DENND5A: variants seen among roughly 807,000 people sequenced by gnomAD.
DENND5A encodes DENN domain containing 5A, also known as DENN domain-containing protein 5A.
DENND5A carries 64 observed loss-of-function variants against 140.3 expected under a neutral mutation model. The observed-to-expected ratio is 0.46, with a 90% CI of 0.37 to 0.56. DENND5A has a LOEUF of 0.56. Among genes scored for constraint, DENND5A ranks in the 20% least tolerant of loss-of-function variants. The probability of loss-of-function intolerance (pLI) is 0.00; values close to 1 mark genes in which losing one functional copy is unlikely to be tolerated. For synonymous variants in DENND5A, 605 were observed against 607.7 expected, an observed-to-expected ratio of 1.00 and a Z score of 0.07; for missense variants, 1,292 against 1,593.8, an observed-to-expected ratio of 0.81 and a Z score of 3.22.
chr11:9,213,628 T>C (rs1162861882), intron 1 of DENND5A, among the ~76,000 whole-genome samples: 1 of 150,052 alleles, frequency 6.7e-6, no homozygotes, highest in Non-Finnish European at 1.5e-5. Flanking sequence ...GCCAACATGG[T>C]GAAAACCCAT....
intron 1 of DENND5A, among the ~76,000 whole-genome samples, chr11:9,231,266 C>G (rs981577188): frequency 3.3e-5 from 5 of 152,198 alleles, no homozygotes; most frequent in African/African-American, 1.2e-4. Context: ...CAACACATAT[C>G]TGTTTCACAG....
chr11:9,212,128 T>C (rs1849905142), intron 1 of DENND5A, among the ~76,000 whole-genome samples: 1 of 152,082 alleles, frequency 6.6e-6, no homozygotes, highest in Non-Finnish European at 1.5e-5. Context: ...CTCACACTTA[T>C]AACCTCAGCA....
At chr11:9,196,994 C>T (rs1590262727) in intron 4 of DENND5A, among the ~76,000 whole-genome samples, 1 of 151,266 alleles carries the variant, frequency 6.6e-6, no homozygotes, top group East Asian at 1.9e-4. Context: ...CACATATATT[C>T]AACACCTAAC....
In DENND5A at chr11:9,167,125, C is replaced by T. The variant is rs192629307; in HGVS notation, c.2152-1158G>A. ...TCTTCATATGTTGTTTAACACAGAA[C>T]CCACATCAATGCAGTAAAATGCAAT... On this transcript the variant is annotated intron_variant, in intron 10 of 22. Coordinates refer to ENST00000328194, the MANE Select transcript of DENND5A (RefSeq NM_015213.4). 3.6e-3 allele frequency among the ~76,000 whole-genome samples: 549 copies of T among 152,214 alleles called. 3 individuals are homozygous for T. The highest frequency in any genetic ancestry group is 0.013 in the African/African-American group (523 of 41,528).
intron 1 of DENND5A, among the ~76,000 whole-genome samples, chr11:9,261,929 C>T (rs1369231638): frequency 6.6e-6 from 1 of 152,090 alleles, no homozygotes; most frequent in Admixed American, 6.6e-5. Flanking sequence ...CATTCCACTA[C>T]TGCAACCACA....
At chr11:9,215,661 T>C (rs1051370966) in intron 1 of DENND5A, among the ~76,000 whole-genome samples, 3 of 151,608 alleles carry the variant, frequency 2.0e-5, no homozygotes. Flanking sequence ...AATTCTCCTG[T>C]CTCAGCCTCC....
chr11:9,146,718 G>A, intron 16 of DENND5A: 1 of 222,834 alleles, frequency 4.5e-6, no homozygotes, highest in South Asian at 1.3e-4. Context: ...AGGGAGGGAG[G>A]TAAACTGCAT....
chr11:9,244,451 C>A (rs1472949470), intron 1 of DENND5A, among the ~76,000 whole-genome samples: 1 of 152,134 alleles, frequency 6.6e-6, no homozygotes, highest in African/African-American at 2.4e-5. Context: ...CTCACCGCAA[C>A]CTCCGCCTCC....
intron 1 of DENND5A, among the ~76,000 whole-genome samples, chr11:9,234,533 C>T (rs1004884570): frequency 1.3e-5 from 2 of 152,174 alleles, no homozygotes; most frequent in African/African-American, 4.8e-5. Context: ...CAAAATCTGG[C>T]CATAAACTGG....
At chr11:9,189,087 C>T (rs1590251446) in intron 5 of DENND5A, among the ~76,000 whole-genome samples, 1 of 152,186 alleles carries the variant, frequency 6.6e-6, no homozygotes, top group Non-Finnish European at 1.5e-5. Flanking sequence ...CTGTGTGCAG[C>T]CTAGGGACTT....
chr11:9,184,714 G>C (rs1407736900), intron 5 of DENND5A, among the ~76,000 whole-genome samples: 2 of 152,194 alleles, frequency 1.3e-5, no homozygotes, highest in Non-Finnish European at 2.9e-5. Flanking sequence ...GAGAAATTAA[G>C]AAATGTGCAT....
chr11:9,261,546 G>C (rs1030918538), intron 1 of DENND5A, among the ~76,000 whole-genome samples: 1 of 152,042 alleles, frequency 6.6e-6, no homozygotes, highest in Admixed American at 6.6e-5. Flanking sequence ...GGGAGGCCGA[G>C]GTGGGCAGAT....
chr11:9,188,739 G>T (rs1849008218), intron 5 of DENND5A, among the ~76,000 whole-genome samples: 1 of 152,164 alleles, frequency 6.6e-6, no homozygotes, highest in South Asian at 2.1e-4. Context: ...ATGATCTAGG[G>T]TATCTGGCAG....
At chr11:9,192,511 A>C (rs563401824) in intron 5 of DENND5A, among the ~76,000 whole-genome samples, 15 of 152,020 alleles carry the variant, frequency 9.9e-5, no homozygotes, top group Non-Finnish European at 2.2e-4. Flanking sequence ...ACCTGTAATC[A>C]CAGCTACTTG....
At chr11:9,174,652 G>A (rs1477354659) in intron 8 of DENND5A, among the ~76,000 whole-genome samples, 2 of 151,010 alleles carry the variant, frequency 1.3e-5, no homozygotes, top group Non-Finnish European at 3.0e-5. Flanking sequence ...GAAAACCACG[G>A]CCACACCACT....
In DENND5A at chr11:9,203,975, G is replaced by A; in HGVS notation, c.634C>T (p.Pro212Ser). 1 of 1,614,128 alleles carries A rather than the reference G, an allele frequency of 6.2e-7. No homozygotes were observed. Among genetic ancestry groups the A allele is most frequent in the Non-Finnish European group, 8.5e-7 (1 of 1,180,018 alleles). ...CGACATGCCTTCATGAAAGACATGG[G>A]TGTGATGAGGCAGATGCACTTAGAG... The part of the protein sequence containing the change: ...YVSKCICLIT[P>S]MSFMKACRSV... Residue 212 changes from proline to serine, a missense_variant, in exon 4 of 23, where the codon CCC becomes TCC. Transcript: ENST00000328194.
intron 1 of DENND5A, among the ~76,000 whole-genome samples, chr11:9,249,441 T>A (rs1177559427): frequency 2.6e-5 from 4 of 152,142 alleles, no homozygotes; most frequent in African/African-American, 9.7e-5. Context: ...TCACAGCTCA[T>A]TGCAGCCTGG....
chr11:9,234,298 A>C (rs2136258477), intron 1 of DENND5A, among the ~76,000 whole-genome samples: 1 of 152,150 alleles, frequency 6.6e-6, no homozygotes, highest in South Asian at 2.1e-4. Context: ...CCCAAACCTC[A>C]ATCTTTCCCA....
chr11:9,147,841 A>G (rs1331473012), intron 15 of DENND5A, among the ~76,000 whole-genome samples: 3 of 152,144 alleles, frequency 2.0e-5, no homozygotes, highest in Non-Finnish European at 2.9e-5. Context: ...TCTTCCCCCA[A>G]ATAGAGGAGA....
Sources: gnomAD v4.1 joint callset for allele counts (sites outside exome capture counted in the v4.1 genomes callset) on GRCh38, gnomAD v4.1.1 for gene constraint, MANE v1.5 for transcripts, NCBI Gene and HGNC (gene_info 2026-07-23, HGNC 2026-07-21) for gene names.